MACF1: variants seen among roughly 807,000 people sequenced by gnomAD.
MACF1 encodes microtubule-actin cross-linking factor 1.
A neutral mutation model predicts 854.8 loss-of-function variants in MACF1; 193 were observed. That is an observed-to-expected ratio of 0.23 (90% CI 0.20 to 0.25). MACF1 has a LOEUF of 0.25. Ranked by LOEUF, MACF1 falls within the 10% of genes least tolerant of loss-of-function variation. MACF1 has a pLI of 1.00. For missense variants in MACF1, 7,722 were observed against 8,929.1 expected (o/e 0.86, Z 5.45); for synonymous variants, 3,185 against 3,226.7 (o/e 0.99, Z 0.44).
intron 2 of MACF1, among the ~76,000 whole-genome samples, chr1:39,188,274 C>G (rs1644203949): frequency 6.6e-6 from 1 of 151,862 alleles, no homozygotes; most frequent in Non-Finnish European, 1.5e-5. Flanking sequence ...CAAAAAATTA[C>G]AAAAATGAGC....
At chr1:39,157,137 C>A (rs1571112378) in intron 2 of MACF1, among the ~76,000 whole-genome samples, 1 of 152,062 alleles carries the variant, frequency 6.6e-6, no homozygotes, top group African/African-American at 2.4e-5. Context: ...ACCTAGTTAA[C>A]ATTTTTAGTT....
Position 39,430,911 on chromosome 1 carries a change from A to G in MACF1, c.17337+3A>G. 2 of 1,609,338 alleles carry G rather than the reference A, an allele frequency of 1.2e-6. No individual in the cohort carries two copies. The highest frequency in any genetic ancestry group is 1.7e-6 in the Non-Finnish European group (2 of 1,177,326). ...CTGCTATTCAGAGATCACAACAGGT[A>G]ATGCTTATAATACCTCTGCATTAAT... On this transcript the variant is annotated splice_donor_region_variant and intron_variant, in intron 66 of 100. Transcript: ENST00000564288.
At chr1:39,439,842 G>A (rs192481840) in intron 72 of MACF1, among the ~76,000 whole-genome samples, 38 of 152,212 alleles carry the variant, frequency 2.5e-4, no homozygotes, top group African/African-American at 8.7e-4. Flanking sequence ...CTGACCTCAG[G>A]TGATCCACCC....
chr1:39,220,336 C>A (rs921759319), intron 1 of MACF1, among the ~76,000 whole-genome samples: 5 of 151,276 alleles, frequency 3.3e-5, no homozygotes, highest in Non-Finnish European at 5.9e-5. Flanking sequence ...CCTTGCCTGG[C>A]TAATTTTTGT....
intron 80 of MACF1, among the ~76,000 whole-genome samples, chr1:39,446,105 A>G (rs892774614): frequency 2.0e-5 from 3 of 152,242 alleles, no homozygotes; most frequent in African/African-American, 7.2e-5. Flanking sequence ...AAAATACCTT[A>G]AGACATAGTT....
At chr1:39,407,501 G>A (rs546184006) in intron 58 of MACF1, among the ~76,000 whole-genome samples, 1 of 152,282 alleles carries the variant, frequency 6.6e-6, no homozygotes, top group South Asian at 2.1e-4. Flanking sequence ...CAACCTAGTC[G>A]GCCTCCCCAC....
chr1:39,297,634 A>G lies in MACF1; in HGVS notation c.2370A>G (p.Ala790=). The change falls in exon 21 of 101, where the codon GCA becomes GCG. Residue 790 remains alanine (A), a synonymous_variant. Coordinates refer to ENST00000564288, the MANE Select transcript of MACF1 (RefSeq NM_001394062.1). ...TATTCCCATAGTTCTTCAGTGATGC[A>G]CGAGAGCTGGAGTCATTCTTGAGGA... ...NTAYFQFFSD[A]RELESFLRNL... 6.2e-7 allele frequency: 1 copy of G among 1,614,186 alleles called. No homozygotes were observed. Among genetic ancestry groups the G allele is most frequent in the Non-Finnish European group, 8.5e-7 (1 of 1,180,030 alleles).
intron 16 of MACF1, among the ~76,000 whole-genome samples, 194 bp from the exon 17 acceptor site, chr1:39,292,572 G>T (rs1056835742): frequency 1.3e-5 from 2 of 152,184 alleles, no homozygotes; most frequent in African/African-American, 4.8e-5. Flanking sequence ...TAATTACCCT[G>T]CTCAACTGTT....
intron 26 of MACF1, among the ~76,000 whole-genome samples, chr1:39,311,670 T>C (rs1430168896): frequency 6.6e-6 from 1 of 152,148 alleles, no homozygotes; most frequent in Non-Finnish European, 1.5e-5. Context: ...TGGCTTATAG[T>C]GTAGTGAAAG....
At position 39,191,614 on chromosome 1, in the gene MACF1, G is replaced by T. The variant is rs148566760; in HGVS notation, c.221-39568G>T. Among the ~76,000 whole-genome samples, 634 of 152,326 alleles carry T rather than the reference G, an allele frequency of 4.2e-3. 1 individual carries two copies. Among genetic ancestry groups the T allele is most frequent in the Non-Finnish European group, 6.2e-3 (423 of 68,036 alleles). On this transcript the variant is annotated intron_variant, in intron 2 of 93. Transcript: ENST00000361689. Reference sequence around the variant, plus strand: ...TCTTCTGAGATTGGGCTTTTCATCAGGGCTGTGCCACAGGGTGTGATGCTG... The same window carrying T: ...TCTTCTGAGATTGGGCTTTTCATCATGGCTGTGCCACAGGGTGTGATGCTG...
intron 1 of MACF1, among the ~76,000 whole-genome samples, chr1:39,221,768 A>T (rs1283491020): frequency 6.6e-6 from 1 of 152,054 alleles, no homozygotes; most frequent in Non-Finnish European, 1.5e-5. Context: ...GCCCTAATTC[A>T]TGCTATTTCA....
At chr1:39,392,726 A>G (rs1290572654) in intron 58 of MACF1, among the ~76,000 whole-genome samples, 2 of 152,144 alleles carry the variant, frequency 1.3e-5, no homozygotes, top group African/African-American at 4.8e-5. Flanking sequence ...TGTGGGGAAA[A>G]TTATTTCTTC....
Position 39,357,862 on chromosome 1 carries a change from C to G in MACF1, c.11912C>G (p.Ala3971Gly). 1 of 1,613,464 alleles carries G rather than the reference C, an allele frequency of 6.2e-7. No individual in the cohort carries two copies. The highest frequency in any genetic ancestry group is 8.5e-7 in the Non-Finnish European group (1 of 1,179,720). ...GNLVKDKLKD[A>G]TERYTALHSK... ...TTAGTAAAGGACAAGTTGAAGGATG[C>G]AACAGAAAGATACACTGCTCTCCAC... The change falls in exon 45 of 101, where the codon GCA becomes GGA. Residue 3971 changes from alanine to glycine, a missense_variant. By Grantham distance (60) the Ala-to-Gly change is moderately conservative (BLOSUM62 0). Coordinates refer to ENST00000564288, the MANE Select transcript of MACF1 (RefSeq NM_001394062.1).
chr1:39,475,632 C>G (rs1386107119), intron 97 of MACF1, among the ~76,000 whole-genome samples: 1 of 152,048 alleles, frequency 6.6e-6, no homozygotes, highest in Non-Finnish European at 1.5e-5. Context: ...TGCACAGGCT[C>G]AGGGATTCAA....
chr1:39,108,931 G>A (rs1374727930), intron 2 of MACF1, among the ~76,000 whole-genome samples: 1 of 152,204 alleles, frequency 6.6e-6, no homozygotes, highest in African/African-American at 2.4e-5. Flanking sequence ...ACTAAGTGTT[G>A]TGGGTTATAC....
At chr1:39,480,816 T>G in intron 98 of MACF1, 104 bp from the exon 99 acceptor site, 4 of 656,826 alleles carry the variant, frequency 6.1e-6, no homozygotes, top group Non-Finnish European at 1.1e-5. Flanking sequence ...TCTGTTTCTT[T>G]AAAATTTAGT....
Position 39,370,204 on chromosome 1 carries a change from C to T in MACF1, c.13095+18C>T. On this transcript the variant is annotated intron_variant, in intron 51 of 100. Coordinates refer to ENST00000564288, the MANE Select transcript of MACF1 (RefSeq NM_001394062.1). ...ACCTGAAGGTAGGTGAACAAAGGGA[C>T]TCCAAGAATTGGGCTAGGCACTGGT... is the stretch of plus-strand genomic sequence containing the variant. 6.3e-7 allele frequency: 1 copy of T among 1,594,674 alleles called. No individual in the cohort carries two copies. Among genetic ancestry groups the T allele is most frequent in the Non-Finnish European group, 8.6e-7 (1 of 1,169,490 alleles).
rs1187788745 is a variant in MACF1 at position 39,105,255 on chromosome 1, C to A, written c.220+20817C>A. The stretch of plus-strand genomic sequence containing the variant: ...CCGCAGCCTGGGGCCGAGGACTCGC[C>A]GGGACCCGGAGGCGGCGGGGAGAGG... On this transcript the variant is annotated intron_variant, in intron 2 of 93. Transcript: ENST00000361689. This position sits in a 1 kb window ranked among gnomAD's most constrained non-coding sequence, Gnocchi z 5.9. Among the ~76,000 whole-genome samples, 1 of 150,892 alleles carries A rather than the reference C, an allele frequency of 6.6e-6. No homozygotes were observed. The highest frequency in any genetic ancestry group is 2.4e-5 in the African/African-American group (1 of 41,256).
At position 39,378,331 on chromosome 1, in the gene MACF1, A is replaced by G. The variant is rs1225030837; in HGVS notation, c.13214-130A>G. On this transcript the variant is annotated intron_variant, in intron 52 of 100. Transcript: ENST00000564288. ...AAATAATTTGTCTCTTTCCATGAGT[A>G]TGTTGTCTTGTGCTGTGTTAACTTC... 2.9e-5 allele frequency: 17 copies of G among 585,278 alleles called. No homozygotes were observed. The South Asian group carries it at 3.1e-4, about 11-fold the overall frequency. 36.3% of individuals were successfully genotyped at this position (585,278 alleles called of 1,614,324 possible).
Sources: allele counts gnomAD v4.1 joint callset (sites outside exome capture counted in the v4.1 genomes callset), GRCh38; gene constraint gnomAD v4.1.1; non-coding constraint Gnocchi (gnomAD v3.1); transcripts MANE v1.5; gene names NCBI Gene and HGNC (gene_info 2026-07-23, HGNC 2026-07-21).